The following KLHL23 variants were observed in gnomAD, a reference collection of about 807,000 sequenced individuals.
The protein encoded by KLHL23 is kelch-like protein 23.
Under a neutral mutation model 48.9 loss-of-function variants are expected in KLHL23, and 33 were observed. That is an observed-to-expected ratio of 0.67 (90% CI 0.51 to 0.90). The LOEUF is 0.90. Among genes scored for constraint, KLHL23 ranks in the 40% least tolerant of loss-of-function variants. KLHL23 has a pLI of 0.00. For synonymous variants in KLHL23, 234 were observed against 231.6 expected (o/e 1.01, Z -0.09); for missense variants, 608 against 669.6 (o/e 0.91, Z 1.02).
In KLHL23 at chr2:169,741,502, A is replaced by G; in HGVS notation, c.1331A>G (p.Asn444Ser). 1.2e-6 allele frequency: 2 copies of G among 1,614,010 alleles called. No individual in the cohort carries two copies. Among genetic ancestry groups the G allele is most frequent in the Non-Finnish European group, 1.7e-6 (2 of 1,179,942 alleles). The change falls in exon 3 of 4, where the codon AAC becomes AGC. Residue 444 changes from asparagine to serine, a missense_variant. Transcript: ENST00000392647. ...DKVQSYNSDINEWSLITSSPH... is the reference protein window; with the variant it reads ...DKVQSYNSDISEWSLITSSPH... ...GTTCAGAGCTACAATTCCGATATCA[A>G]CGAATGGAGCCTCATCACCTCCAGT...
At chr2:169,745,251 G>C (rs139649904) in intron 3 of KLHL23, among the ~76,000 whole-genome samples, 3 of 151,838 alleles carry the variant, frequency 2.0e-5, no homozygotes, top group Non-Finnish European at 4.4e-5. Context: ...GGTGGCTCAC[G>C]CCTGTAATCC....
intron 3 of KLHL23, among the ~76,000 whole-genome samples, chr2:169,747,399 A>AAAAAC (rs1553477660): frequency 1.3e-5 from 2 of 150,480 alleles, no homozygotes; most frequent in Non-Finnish European, 3.0e-5. Context: ...TAAAAAAAAA[A>AAAAAC]AAAAAAAAAC....
In KLHL23 at chr2:169,750,060, G is replaced by GTATATATACGTTTGTATGTATACATA. The variant is rs1688927890; in HGVS notation, c.*331_*332insATATACGTTTGTATGTATACATATAT. The GTATATATACGTTTGTATGTATACATA allele has an allele frequency of 1.5e-4, 3 of 20,248 alleles. 1 individual carries two copies. The highest frequency in any genetic ancestry group is 4.6e-4 in the African/African-American group (3 of 6,552). 1.3% of individuals were successfully genotyped at this position (20,248 alleles called of 1,614,324 possible). On this transcript the variant is annotated 3_prime_UTR_variant, in exon 4 of 4. Transcript: ENST00000392647. ...GTATATATAGTATGTATGTATACAT[G>GTATATATACGTTTGTATGTATACATA]TATGTGTATATATACGTATGTATGT...
At chr2:169,738,832 CCCT>C (rs1688582647) in intron 2 of KLHL23, among the ~76,000 whole-genome samples, 14 of 24,314 alleles carry the variant, frequency 5.8e-4, no homozygotes, top group East Asian at 2.0e-3. Flanking sequence ...TATTTCCTCC[CCCT>C]CCTCCCCCTC....
In KLHL23 at chr2:169,750,122, A is replaced by ACGTGTGTATG. The variant is rs1688936614; in HGVS notation, c.*390_*391insCGTGTGTATG. ...TGTATACATATATATGTGTGTATAT[A>ACGTGTGTATG]TATACACATATATACGTATATATGT... On this transcript the variant is annotated 3_prime_UTR_variant, in exon 4 of 4. Coordinates refer to ENST00000392647, the MANE Select transcript of KLHL23 (RefSeq NM_144711.6). 4 of 143,976 alleles carry ACGTGTGTATG rather than the reference A, an allele frequency of 2.8e-5. No individual in the cohort carries two copies. Among genetic ancestry groups the ACGTGTGTATG allele is most frequent in the Admixed American group, 6.8e-5 (1 of 14,608 alleles). 8.9% of individuals were successfully genotyped at this position (143,976 alleles called of 1,614,324 possible).
intron 3 of KLHL23, among the ~76,000 whole-genome samples, chr2:169,746,316 A>C (rs1293772167): frequency 6.6e-6 from 1 of 152,232 alleles, no homozygotes; most frequent in African/African-American, 2.4e-5. Flanking sequence ...AAAAAATTGA[A>C]ATCAATTCAA....
At chr2:169,747,351 T>C (rs1441199077) in intron 3 of KLHL23, among the ~76,000 whole-genome samples, 2 of 118,372 alleles carry the variant, frequency 1.7e-5, no homozygotes, top group Non-Finnish European at 3.2e-5. Flanking sequence ...ATTGCGCCAC[T>C]GCACTCCAGC....
rs1688892471 is a variant in KLHL23 at position 169,749,603 on chromosome 2, C to T, written c.1548C>T (p.Tyr516=). ...GATGTATTTATGTCACTGGAGGATA[C>T]TCCTACTCAAAGGGAACGTATCTTC... ...MNGCIYVTGG[Y]SYSKGTYLQS... Residue 516 remains tyrosine (Y), a synonymous_variant, in exon 4 of 4, where the codon TAC becomes TAT. Coordinates refer to ENST00000392647, the MANE Select transcript of KLHL23 (RefSeq NM_144711.6). 2 of 1,613,846 alleles carry T rather than the reference C, an allele frequency of 1.2e-6. No homozygotes were observed. Among genetic ancestry groups the T allele is most frequent in the African/African-American group, 1.3e-5 (1 of 74,850 alleles).
At position 169,749,684 on chromosome 2, in the gene KLHL23, T is replaced by G; in HGVS notation, c.1629T>G (p.Leu543=). 3 of 1,613,408 alleles carry G rather than the reference T, an allele frequency of 1.9e-6. No individual in the cohort carries two copies. The highest frequency in any genetic ancestry group is 2.5e-6 in the Non-Finnish European group (3 of 1,179,388). ...DLNKWEIVGN[L]PSAMRSHGCV... ...ATAAGTGGGAAATAGTGGGTAATCT[T>G]CCCAGTGCCATGCGGTCTCATGGGT... The change falls in exon 4 of 4, where the codon CTT becomes CTG. Residue 543 remains leucine, a synonymous_variant. Coordinates refer to ENST00000392647, the MANE Select transcript of KLHL23 (RefSeq NM_144711.6).
intron 3 of KLHL23, among the ~76,000 whole-genome samples, chr2:169,741,850 TATAAA>T (rs1688684032): frequency 1.3e-5 from 2 of 152,224 alleles, no homozygotes; most frequent in African/African-American, 4.8e-5. Flanking sequence ...ACATTAATTA[TATAAA>T]ATACAATGTT....
intron 1 of KLHL23, 58 bp downstream of exon 1, chr2:169,734,145 G>A (rs1022414068): frequency 1.4e-5 from 2 of 147,380 alleles, no homozygotes; most frequent in African/African-American, 4.9e-5. Context: ...AGCGGGGCCG[G>A]GCGCGGGGAG....
At chr2:169,741,233 C>G in intron 2 of KLHL23, 152 bp from the exon 3 acceptor site, 3 of 990,072 alleles carry the variant, frequency 3.0e-6, no homozygotes, top group Non-Finnish European at 4.2e-6. Context: ...AAAGAGCCTT[C>G]CTTTTTTATT....
chr2:169,747,661 C>G (rs1450631409), intron 3 of KLHL23, among the ~76,000 whole-genome samples: 1 of 151,938 alleles, frequency 6.6e-6, no homozygotes, highest in African/African-American at 2.4e-5. Context: ...ATAAGCTTTC[C>G]TTCTACGTTA....
chr2:169,747,902 A>C (rs1234031504), intron 3 of KLHL23, among the ~76,000 whole-genome samples: 1 of 152,016 alleles, frequency 6.6e-6, no homozygotes, highest in East Asian at 1.9e-4. Flanking sequence ...GCAGAGGAGG[A>C]TCTCTTGAGG....
At chr2:169,746,742 G>A (rs12467158) in intron 3 of KLHL23, among the ~76,000 whole-genome samples, 78,046 of 152,150 alleles carry the variant, frequency 0.51, 21,751 homozygotes, top group Admixed American at 0.66. Flanking sequence ...TAGGAAGACA[G>A]ATGGCTTTCT....
rs1390931863 is a variant in KLHL23, at chr2:169,750,035, GTA to G, written c.*310_*311del. The stretch of plus-strand genomic sequence containing the variant: ...TATACGTATGTATGTATACATATGT[GTA>G]TATATAGTATGTATGTATACATGTA... On this transcript the variant is annotated 3_prime_UTR_variant, in exon 4 of 4. Coordinates refer to ENST00000392647, the MANE Select transcript of KLHL23 (RefSeq NM_144711.6). The G allele has an allele frequency of 2.9e-5, 1 of 34,228 alleles. No individual in the cohort carries two copies. The highest frequency in any genetic ancestry group is 5.8e-4 in the South Asian group (1 of 1,712). 2.1% of individuals were successfully genotyped at this position (34,228 alleles called of 1,614,324 possible).
chr2:169,746,733 A>G (rs1490402121), intron 3 of KLHL23, among the ~76,000 whole-genome samples: 1 of 152,264 alleles, frequency 6.6e-6, no homozygotes, highest in African/African-American at 2.4e-5. Flanking sequence ...TTACTGCTAT[A>G]GGAAGACAGA....
chr2:169,746,206 C>T (rs777000214), intron 3 of KLHL23, among the ~76,000 whole-genome samples: 1 of 152,194 alleles, frequency 6.6e-6, no homozygotes, highest in Non-Finnish European at 1.5e-5. Flanking sequence ...GCCTTGCCAT[C>T]GGCAAGTAGA....
chr2:169,735,350 G>A lies in KLHL23; in HGVS notation c.336G>A (p.Glu112=), dbSNP rs1457953985. The change falls in exon 2 of 4, where the codon GAG becomes GAA. Residue 112 remains glutamate, a synonymous_variant. Transcript: ENST00000392647. This position sits in a 1 kb window ranked among gnomAD's most constrained non-coding sequence, Gnocchi z 4.5. ...ITKRNVQSLL[E]AADLLQFLSV... ...AAAGAAATGTTCAAAGCCTGCTTGA[G>A]GCAGCGGATCTGCTACAGTTCCTTT... 6.8e-6 allele frequency: 11 copies of A among 1,612,970 alleles called. No homozygotes were observed. The highest frequency in any genetic ancestry group is 8.5e-6 in the Non-Finnish European group (10 of 1,179,806).
Sources: allele counts gnomAD v4.1 joint callset (sites outside exome capture counted in the v4.1 genomes callset), GRCh38; gene constraint gnomAD v4.1.1; non-coding constraint Gnocchi (gnomAD v3.1); transcripts MANE v1.5; gene names NCBI Gene and HGNC (gene_info 2026-07-23, HGNC 2026-07-21).